PARD3B: variants seen among roughly 807,000 people sequenced by gnomAD.
PARD3B encodes the protein par-3 family cell polarity regulator beta.
A neutral mutation model predicts 130.2 loss-of-function variants in PARD3B; 103 were observed. The ratio of observed to expected loss-of-function variants is 0.79; its 90% confidence interval spans 0.67 to 0.93. PARD3B has a LOEUF of 0.93. PARD3B is among the 40% of genes least tolerant of loss of function. The pLI is 0.00. For missense variants in PARD3B, 1,609 were observed against 1,499.2 expected, an observed-to-expected ratio of 1.07 and a Z score of -1.21; for synonymous variants, 583 against 553.2, an observed-to-expected ratio of 1.05 and a Z score of -0.76.
intron 2 of PARD3B, among the ~76,000 whole-genome samples, chr2:204,811,685 T>C (rs1461831972): frequency 6.6e-6 from 1 of 152,218 alleles, no homozygotes. Context: ...AAAGCAGCTC[T>C]CTTTATCCAC....
chr2:205,542,479 C>T (rs1194079664), intron 21 of PARD3B, among the ~76,000 whole-genome samples: 1 of 151,888 alleles, frequency 6.6e-6, no homozygotes, highest in Non-Finnish European at 1.5e-5. Flanking sequence ...TTCAGTTCTT[C>T]CTTTCTCCTC....
chr2:204,914,232 G>GT (rs1040469840), intron 2 of PARD3B, among the ~76,000 whole-genome samples: 24 of 151,902 alleles, frequency 1.6e-4, no homozygotes, highest in African/African-American at 3.1e-4. Flanking sequence ...TTGATGAGTT[G>GT]TTTTTTTTCC....
intron 21 of PARD3B, among the ~76,000 whole-genome samples, chr2:205,539,831 G>A (rs2052042711): frequency 6.6e-6 from 1 of 152,056 alleles, no homozygotes; most frequent in African/African-American, 2.4e-5. Flanking sequence ...ACTTCACAGA[G>A]CAGCCAAGTA....
chr2:205,050,250 C>T (rs901772722), intron 4 of PARD3B, among the ~76,000 whole-genome samples: 7 of 150,922 alleles, frequency 4.6e-5, no homozygotes, highest in African/African-American at 1.7e-4. Flanking sequence ...CCATTCTCTC[C>T]GTTTCCCAAA....
chr2:205,542,348 TTGTGTTTG>T (rs1409153672), intron 21 of PARD3B, among the ~76,000 whole-genome samples: 2 of 75,204 alleles, frequency 2.7e-5, no homozygotes, highest in Non-Finnish European at 5.3e-5. Flanking sequence ...ATTCAGTAGT[TTGTGTTTG>T]TGTGTGTGTG....
chr2:204,934,684 C>T (rs926694871), intron 2 of PARD3B, among the ~76,000 whole-genome samples: 1 of 152,074 alleles, frequency 6.6e-6, no homozygotes. Context: ...GTTCTATTTC[C>T]CTTTACACAC....
rs1483281323 is a variant in PARD3B, at chr2:205,160,697, C to T, written c.1620+1790C>T. ...ACAATAGCAATGAACATTTATTGTGCTTAGTATATGCTGGACACTAGGATA... is the reference window on the plus strand; with the variant it reads ...ACAATAGCAATGAACATTTATTGTGTTTAGTATATGCTGGACACTAGGATA... On this transcript the variant is annotated intron_variant, in intron 11 of 22. Transcript: ENST00000406610. This position sits in a 1 kb window ranked among gnomAD's most constrained non-coding sequence, Gnocchi z 4.0. 6.6e-6 allele frequency among the ~76,000 whole-genome samples: 1 copy of T among 152,166 alleles called. No individual in the cohort carries two copies. The highest frequency in any genetic ancestry group is 2.4e-5 in the African/African-American group (1 of 41,442).
intron 1 of PARD3B, among the ~76,000 whole-genome samples, chr2:204,574,282 AGAAATTAT>A (rs1474735176): frequency 6.6e-6 from 1 of 152,208 alleles, no homozygotes; most frequent in Non-Finnish European, 1.5e-5. Context: ...TCCTTCTAAA[AGAAATTAT>A]GACAAAGTTT....
At chr2:204,965,450 A>C in intron 3 of PARD3B, 127 bp downstream of exon 3, 1 of 1,071,804 alleles carries the variant, frequency 9.3e-7, no homozygotes, top group Non-Finnish European at 1.3e-6. Context: ...TCTTTTCTTT[A>C]AATTATTTTT....
At chr2:204,725,598 G>T (rs923056824) in intron 2 of PARD3B, among the ~76,000 whole-genome samples, 2 of 152,096 alleles carry the variant, frequency 1.3e-5, no homozygotes, top group Non-Finnish European at 2.9e-5. Flanking sequence ...TCATCTTCAG[G>T]ATGTTAAAGT....
In PARD3B at chr2:204,669,691, G is replaced by T. The variant is rs1010533405; in HGVS notation, c.121-16490G>T. Among the ~76,000 whole-genome samples the T allele has an allele frequency of 1.3e-5, 2 of 152,020 alleles. No homozygotes were observed. The highest frequency in any genetic ancestry group is 3.9e-4 in the East Asian group (2 of 5,194). ...TGGAATCAAATTATAGAGAAAGTATGGTTATCATTACAGAAAAGAATGTAA... is the reference window on the plus strand; with the variant it reads ...TGGAATCAAATTATAGAGAAAGTATTGTTATCATTACAGAAAAGAATGTAA... On this transcript the variant is annotated intron_variant, in intron 1 of 22. Transcript: ENST00000406610. This position sits in a 1 kb window ranked among gnomAD's most constrained non-coding sequence, Gnocchi z 4.3.
Position 205,551,797 on chromosome 2 carries a change from T to C in PARD3B, c.3181-1527T>C, listed in dbSNP as rs1056318310. On this transcript the variant is annotated intron_variant, in intron 21 of 22. Transcript: ENST00000406610. ...AAGAAAATAACTTCCAGGTGGTTGA[T>C]TACCGCCTAGAAAAATTTTCCCTAC... Among the ~76,000 whole-genome samples, 3 of 152,280 alleles carry C rather than the reference T, an allele frequency of 2.0e-5. No homozygotes were observed. In the East Asian group the frequency reaches 5.8e-4, roughly 29 times the overall value.
intron 3 of PARD3B, among the ~76,000 whole-genome samples, chr2:205,010,858 T>C (rs1695654016): frequency 6.6e-6 from 1 of 152,248 alleles, no homozygotes; most frequent in Non-Finnish European, 1.5e-5. Context: ...TTTACCTTTG[T>C]CTTCAATATT....
intron 2 of PARD3B, among the ~76,000 whole-genome samples, chr2:204,912,183 C>T (rs1450083404): frequency 6.6e-6 from 1 of 152,132 alleles, no homozygotes; most frequent in Non-Finnish European, 1.5e-5. Flanking sequence ...TTTTGATATA[C>T]ATATTTTAGA....
intron 19 of PARD3B, among the ~76,000 whole-genome samples, chr2:205,435,501 T>G (rs1356289006): frequency 6.6e-6 from 1 of 152,094 alleles, no homozygotes; most frequent in Admixed American, 6.6e-5. Context: ...TTTGTTACTT[T>G]CTTTTTTACT....
At chr2:204,953,907 C>T (rs372445248) in intron 2 of PARD3B, among the ~76,000 whole-genome samples, 1 of 151,340 alleles carries the variant, frequency 6.6e-6, no homozygotes, top group African/African-American at 2.4e-5. Context: ...AAAACTAACT[C>T]GCAAAGACTG....
intron 2 of PARD3B, among the ~76,000 whole-genome samples, chr2:204,694,062 T>G (rs533149188): frequency 1.3e-5 from 2 of 152,052 alleles, no homozygotes; most frequent in African/African-American, 2.4e-5. Context: ...ATGAGAGTGA[T>G]AAATGATATC....
chr2:204,627,828 T>C (rs2125135478), intron 1 of PARD3B, among the ~76,000 whole-genome samples: 1 of 152,294 alleles, frequency 6.6e-6, no homozygotes, highest in South Asian at 2.1e-4. Context: ...ATCATTTGTA[T>C]ACAGTTATCT....
intron 2 of PARD3B, among the ~76,000 whole-genome samples, chr2:204,714,010 C>T (rs1261591765): frequency 4.6e-5 from 7 of 152,160 alleles, no homozygotes; most frequent in Non-Finnish European, 8.8e-5. Context: ...TGTTTATTAA[C>T]ACATATATGT....
Sources: allele counts gnomAD v4.1 joint callset (sites outside exome capture counted in the v4.1 genomes callset), GRCh38; gene constraint gnomAD v4.1.1; non-coding constraint Gnocchi (gnomAD v3.1); transcripts MANE v1.5; gene names NCBI Gene and HGNC (gene_info 2026-07-23, HGNC 2026-07-21).